Variants in TMPO observed in about 807,000 individuals in gnomAD.
TMPO encodes the protein thymopoietin.
TMPO carries 22 observed loss-of-function variants against 45.4 expected under a neutral mutation model. The observed-to-expected ratio is 0.48, with a 90% confidence interval of 0.35 to 0.69. The LOEUF (loss-of-function observed/expected upper bound fraction) is 0.69. Among genes scored for constraint, TMPO ranks in the 30% least tolerant of loss-of-function variants. TMPO has a pLI of 0.01. For missense variants in TMPO, 512 were observed against 548.8 expected (o/e 0.93, Z 0.67); for synonymous variants, 241 against 204.1 (o/e 1.18, Z -1.54).
rs1369339290 is a variant in TMPO, at chr12:98,516,040, A to G, written c.173A>G (p.Asn58Ser). ...RNRPPLPAGT[N>S]SKGPPDFSSD... Reference sequence around the variant, plus strand: ...CGGCCGCCGCTCCCCGCCGGCACCAACAGCAAGGGGCCCCCGGACTTCTCC... The same window carrying G: ...CGGCCGCCGCTCCCCGCCGGCACCAGCAGCAAGGGGCCCCCGGACTTCTCC... The change falls in exon 1 of 9, where the codon AAC becomes AGC. Residue 58 changes from asparagine (N) to serine (S), a missense_variant. Coordinates refer to ENST00000556029, the MANE Select transcript of TMPO (RefSeq NM_001032283.3). 6.2e-7 allele frequency: 1 copy of G among 1,611,500 alleles called. No homozygotes were observed. The highest frequency in any genetic ancestry group is 1.3e-5 in the African/African-American group (1 of 75,028).
chr12:98,516,109 C>T lies in TMPO; in HGVS notation c.242C>T (p.Ala81Val). The change falls in exon 1 of 9, where the codon GCC (alanine) becomes GTC (valine). Residue 81 changes from alanine (A) to valine (V), a missense_variant. By Grantham distance (64) the Ala-to-Val change is moderately conservative (BLOSUM62 0). Around this residue, in one of 3 missense-constraint regions of TMPO, gnomAD observed 299 missense variants for 296.7 expected, o/e 1.01. Coordinates refer to ENST00000556029, the MANE Select transcript of TMPO (RefSeq NM_001032283.3). ...REPTPVLGSG[A>V]AAAGRSRAAV... ...CCCACCCCGGTCCTCGGCTCTGGGG[C>T]CGCCGCCGCGGGCCGGAGCCGAGCA... 4 of 1,541,212 alleles carry T rather than the reference C, an allele frequency of 2.6e-6. No homozygotes were observed. The highest frequency in any genetic ancestry group is 3.5e-6 in the Non-Finnish European group (4 of 1,151,938).
At chr12:98,538,089 A>G (rs1490664847) in intron 4 of TMPO, among the ~76,000 whole-genome samples, 4 of 152,220 alleles carry the variant, frequency 2.6e-5, no homozygotes, top group Non-Finnish European at 5.9e-5. Context: ...GTTTTTCAAA[A>G]GGGAAATGTA....
chr12:98,545,124 TGTTTG>T, intron 7 of TMPO, 63 bp downstream of exon 7: 1 of 1,270,552 alleles, frequency 7.9e-7, no homozygotes. Flanking sequence ...TATAAATATT[TGTTTG>T]TTTTTTTTTT....
rs1314094077 is a variant in TMPO at position 98,549,849 on chromosome 12, C to G, written c.*1991C>G. 2.1e-5 allele frequency: 3 copies of G among 141,218 alleles called. No individual in the cohort carries two copies. Among genetic ancestry groups the G allele is most frequent in the Non-Finnish European group, 3.1e-5 (2 of 64,216 alleles). 8.7% of individuals were successfully genotyped at this position (141,218 alleles called of 1,614,324 possible). ...CCAGAAAGACTTGTAGGTCTTTCTGCAGAATGAGTGGGTCCTTGCAAAGTG... is the reference window on the plus strand; with the variant it reads ...CCAGAAAGACTTGTAGGTCTTTCTGGAGAATGAGTGGGTCCTTGCAAAGTG... On this transcript the variant is annotated 3_prime_UTR_variant, in exon 9 of 9. Transcript: ENST00000556029.
At chr12:98,546,591 C>T in intron 8 of TMPO, 144 bp downstream of exon 8, 1 of 686,824 alleles carries the variant, frequency 1.5e-6, no homozygotes, top group South Asian at 1.6e-5. Flanking sequence ...CCTGTAGTCC[C>T]AGCTACTCAA....
intron 6 of TMPO, 24 bp downstream of exon 6, chr12:98,544,561 C>A (rs1432349915): frequency 6.4e-7 from 1 of 1,572,644 alleles, no homozygotes; most frequent in Admixed American, 1.7e-5. Flanking sequence ...ATAAACTATA[C>A]AAGTGGTATT....
At chr12:98,543,336 C>T (rs1878038328) in intron 4 of TMPO, among the ~76,000 whole-genome samples, 1 of 152,178 alleles carries the variant, frequency 6.6e-6, no homozygotes, top group Non-Finnish European at 1.5e-5. Context: ...ATAGCGACTT[C>T]AAAACTGAAA....
intron 1 of TMPO, chr12:98,516,469 T>G: frequency 8.9e-7 from 1 of 1,124,114 alleles, no homozygotes; most frequent in Non-Finnish European, 1.1e-6. Flanking sequence ...AGACGGGGAC[T>G]TCCGTGCCCT....
chr12:98,545,335 T>A (rs1263429413), intron 7 of TMPO, among the ~76,000 whole-genome samples: 1 of 152,152 alleles, frequency 6.6e-6, no homozygotes, highest in Non-Finnish European at 1.5e-5. Context: ...CTGTTCTGCT[T>A]ATAATATGTT....
intron 3 of TMPO, chr12:98,535,543 A>G: frequency 2.0e-6 from 2 of 985,382 alleles, no homozygotes; most frequent in Non-Finnish European, 2.4e-6. Context: ...GTACATGTAT[A>G]CATGTACCTA....
intron 1 of TMPO, 99 bp from the exon 2 acceptor site, chr12:98,527,787 A>C (rs1318511500): frequency 1.2e-5 from 17 of 1,413,934 alleles, no homozygotes; most frequent in Admixed American, 1.7e-5. Flanking sequence ...ACTATAAACC[A>C]ATTTGGTAGT....
intron 1 of TMPO, among the ~76,000 whole-genome samples, chr12:98,524,592 AAAG>A (rs1876621624): frequency 6.6e-6 from 1 of 151,966 alleles, no homozygotes; most frequent in African/African-American, 2.4e-5. Context: ...GAAAAAAAAA[AAAG>A]AGTTAAGATT....
At chr12:98,535,290 A>C (rs1434665003) in intron 3 of TMPO, 18 of 982,588 alleles carry the variant, frequency 1.8e-5, no homozygotes, top group Non-Finnish European at 2.1e-5. Context: ...TTTTTAAGCC[A>C]TAAGAAATTA....
At chr12:98,546,553 T>C in intron 8 of TMPO, 106 bp downstream of exon 8, 3 of 922,394 alleles carry the variant, frequency 3.3e-6, no homozygotes, top group Non-Finnish European at 5.3e-6. Context: ...TTAAGCTGTT[T>C]TTTTGGAGCC....
intron 1 of TMPO, among the ~76,000 whole-genome samples, chr12:98,525,305 C>T (rs1000194270): frequency 3.3e-5 from 5 of 152,096 alleles, no homozygotes; most frequent in African/African-American, 9.7e-5. Flanking sequence ...TCTCCACAGC[C>T]GTCTATTTAA....
intron 5 of TMPO, 27 bp from the exon 6 acceptor site, chr12:98,544,415 G>A: frequency 1.2e-6 from 2 of 1,612,340 alleles, no homozygotes; most frequent in South Asian, 1.1e-5. Context: ...TATATTTATT[G>A]TTTTTGTTTT....
chr12:98,534,205 C>G lies in TMPO; in HGVS notation c.565+2367C>G. 6.2e-7 allele frequency: 1 copy of G among 1,613,818 alleles called. No individual in the cohort carries two copies. ...TACCATGGGAAATGCCACTGTAGGT[C>G]GTCGATACCTCTGGCTGAAGGATTG... On this transcript the variant is annotated intron_variant, in intron 3 of 8. Coordinates refer to ENST00000556029, the MANE Select transcript of TMPO (RefSeq NM_001032283.3).
In TMPO at chr12:98,546,347, G is replaced by A; in HGVS notation, c.991-12G>A. On this transcript the variant is annotated splice_polypyrimidine_tract_variant and intron_variant, in intron 7 of 8. Coordinates refer to ENST00000556029, the MANE Select transcript of TMPO (RefSeq NM_001032283.3). The stretch of plus-strand genomic sequence containing the variant: ...TTAACTTGTGGTTGTTTGTTTGTCT[G>A]TTTCTTATTAGGTGGGAGAAAAAAC... The A allele has an allele frequency of 1.3e-6, 2 of 1,581,160 alleles. No homozygotes were observed. Among genetic ancestry groups the A allele is most frequent in the Non-Finnish European group, 1.7e-6 (2 of 1,150,694 alleles).
rs573386750 is a variant in TMPO at position 98,549,612 on chromosome 12, C to G, written c.*1754C>G. 6.6e-6 allele frequency: 1 copy of G among 152,124 alleles called. No homozygotes were observed. Among genetic ancestry groups the G allele is most frequent in the Non-Finnish European group, 1.5e-5 (1 of 68,028 alleles). The allele number at this position is 152,124 out of a possible 1,614,324, so 9.4% of individuals were successfully genotyped here. A position where few individuals can be genotyped will look rare whatever the true frequency, so the allele number is the denominator to read the frequency against. On this transcript the variant is annotated 3_prime_UTR_variant, in exon 9 of 9. Coordinates refer to ENST00000556029, the MANE Select transcript of TMPO (RefSeq NM_001032283.3). ...ATGAGACAAAAATTTTAAACTGACT[C>G]ATTTGAGTTTCAACTTTACAGTCAT...
Sources: gnomAD v4.1 joint callset for allele counts (sites outside exome capture counted in the v4.1 genomes callset) on GRCh38, gnomAD v4.1.1 for gene constraint, gnomAD v4.1.1 regional missense constraint, MANE v1.5 for transcripts, NCBI Gene and HGNC (gene_info 2026-07-23, HGNC 2026-07-21) for gene names.